The following RAB11FIP4 variants were observed in gnomAD, a reference collection of about 807,000 sequenced individuals.
RAB11FIP4 encodes RAB11 family interacting protein 4.
RAB11FIP4 carries 23 observed loss-of-function variants against 74.3 expected under a neutral mutation model. The ratio of observed to expected loss-of-function variants is 0.31; its 90% CI spans 0.22 to 0.44. The LOEUF (loss-of-function observed/expected upper bound fraction) is 0.44. RAB11FIP4 is among the 20% of genes least tolerant of loss of function. The pLI is 1.00. For missense variants in RAB11FIP4, 630 were observed against 863.9 expected, an observed-to-expected ratio of 0.73 and a Z score of 3.39; for synonymous variants, 360 against 359.9, an observed-to-expected ratio of 1.00 and a Z score of 0.00.
intron 1 of RAB11FIP4, among the ~76,000 whole-genome samples, chr17:31,401,197 G>A (rs935329418): frequency 1.3e-5 from 2 of 152,114 alleles, no homozygotes; most frequent in East Asian, 3.9e-4. Context: ...GCATGAACCC[G>A]GGAGGTGGAG....
At chr17:31,457,989 G>A (rs2071595542) in intron 3 of RAB11FIP4, among the ~76,000 whole-genome samples, 1 of 152,168 alleles carries the variant, frequency 6.6e-6, no homozygotes, top group Non-Finnish European at 1.5e-5. Context: ...GGCCTTGAGG[G>A]AAGGGACAGA....
At chr17:31,461,249 C>T (rs2071631830) in intron 3 of RAB11FIP4, among the ~76,000 whole-genome samples, 1 of 152,162 alleles carries the variant, frequency 6.6e-6, no homozygotes, top group Non-Finnish European at 1.5e-5. Flanking sequence ...ACGCACAAGC[C>T]TGGGCCTGGC....
At chr17:31,452,683 C>CCCCTCCT (rs1400499788) in intron 3 of RAB11FIP4, among the ~76,000 whole-genome samples, 1 of 152,150 alleles carries the variant, frequency 6.6e-6, no homozygotes, top group Admixed American at 6.5e-5. Context: ...GCCTCCTCTG[C>CCCCTCCT]CCCTCCTCCC....
chr17:31,527,965 C>G (rs760709336), intron 11 of RAB11FIP4, 42 bp downstream of exon 11: 12 of 1,471,854 alleles, frequency 8.2e-6, no homozygotes, highest in Non-Finnish European at 1.1e-5. Flanking sequence ...GGCTGGCCAT[C>G]GGGAGCCTTT....
chr17:31,481,362 C>T (rs760774669), intron 3 of RAB11FIP4, among the ~76,000 whole-genome samples: 4 of 151,930 alleles, frequency 2.6e-5, no homozygotes, highest in African/African-American at 7.3e-5. Flanking sequence ...TCCTGATGTG[C>T]GGTGCAGTTT....
Position 31,532,140 on chromosome 17 carries a change from T to A in RAB11FIP4, c.*408T>A, listed in dbSNP as rs2072882842. On this transcript the variant is annotated 3_prime_UTR_variant, in exon 15 of 15. Transcript: ENST00000621161. ...ATGGGCTCTTTCACCCCACTCCTAG[T>A]CCCCTTGGGAGTGGGAGCAAAATTG... 2 of 166,702 alleles carry A rather than the reference T, an allele frequency of 1.2e-5. No individual in the cohort carries two copies. The highest frequency in any genetic ancestry group is 3.2e-4 in the South Asian group (2 of 6,288). 10.3% of individuals were successfully genotyped at this position (166,702 alleles called of 1,614,324 possible). A position where few individuals can be genotyped will look rare whatever the true frequency, so the allele number is the denominator to read the frequency against.
In RAB11FIP4 at chr17:31,424,576, A is replaced by ATTTT. The variant is rs71142050; in HGVS notation, c.160-7223_160-7220dup. Among the ~76,000 whole-genome samples the ATTTT allele has an allele frequency of 6.3e-4, 79 of 124,572 alleles. 1 individual carries two copies. The highest frequency in any genetic ancestry group is 1.6e-3 in the Admixed American group (19 of 11,732). The allele number at this position is 124,572 out of a possible 152,430, so 81.7% of individuals were successfully genotyped here. A position where few individuals can be genotyped will look rare whatever the true frequency, so the allele number is the denominator to read the frequency against. ...AGGCGCGCACCACCACACCCAGCTA[A>ATTTT]TTTTTTTTTTTTTTTTTGAGGCGGA... On this transcript the variant is annotated intron_variant, in intron 1 of 14. Transcript: ENST00000621161.
chr17:31,522,624 G>GGT, intron 7 of RAB11FIP4: 1 of 544,210 alleles, frequency 1.8e-6, no homozygotes. Flanking sequence ...TCAAATCCTA[G>GGT]GTCACCTTGA....
At chr17:31,520,747 C>T (rs1597978934) in intron 4 of RAB11FIP4, among the ~76,000 whole-genome samples, 1 of 152,208 alleles carries the variant, frequency 6.6e-6, no homozygotes, top group East Asian at 1.9e-4. Context: ...GACCTCTGAT[C>T]CGCCCGCCTC....
chr17:31,407,040 ATTTTTTTTTTTTTTTT>A (rs59919036), intron 1 of RAB11FIP4, among the ~76,000 whole-genome samples: 1 of 51,208 alleles, frequency 2.0e-5, no homozygotes, highest in Non-Finnish European at 3.5e-5. Flanking sequence ...GTTTCACTTG[ATTTTTTTTTTTTTTTT>A]TTTTTTTTTT....
Position 31,391,943 on chromosome 17 carries a change from G to A in RAB11FIP4, c.91G>A (p.Asp31Asn), listed in dbSNP as rs2070875323. ...CGAGGTGTTCGAGGTGTGCGGCCGC[G>A]ACCCCGACGGCTTCCTGCGCGTGGA... ...LREVFEVCGR[D>N]PDGFLRVERV... The change falls in exon 1 of 15, where the codon GAC becomes AAC. Residue 31 changes from aspartate (D) to asparagine (N), a missense_variant. Asp to Asn is a conservative substitution (Grantham distance 23). Coordinates refer to ENST00000621161, the MANE Select transcript of RAB11FIP4 (RefSeq NM_032932.6). 5 of 1,382,546 alleles carry A rather than the reference G, an allele frequency of 3.6e-6. No individual in the cohort carries two copies. Among genetic ancestry groups the A allele is most frequent in the Non-Finnish European group, 4.7e-6 (5 of 1,064,364 alleles). The allele number at this position is 1,382,546 out of a possible 1,614,324, so 85.6% of individuals were successfully genotyped here.
In RAB11FIP4 at chr17:31,450,503, C is replaced by T. The variant is rs1435680752; in HGVS notation, c.336+16381C>T. 2.6e-5 allele frequency among the ~76,000 whole-genome samples: 4 copies of T among 151,966 alleles called. No homozygotes were observed. In the East Asian group the frequency reaches 5.8e-4, roughly 22 times the overall value. Reference sequence around the variant, plus strand: ...GGGATTATAGGACGGCGCCATCACACCCGGCTAATTTGCATATTTTTGGTA... The same window carrying T: ...GGGATTATAGGACGGCGCCATCACATCCGGCTAATTTGCATATTTTTGGTA... On this transcript the variant is annotated intron_variant, in intron 3 of 14. Transcript: ENST00000621161.
At chr17:31,462,861 C>A (rs1369074845) in intron 3 of RAB11FIP4, among the ~76,000 whole-genome samples, 1 of 152,168 alleles carries the variant, frequency 6.6e-6, no homozygotes, top group Admixed American at 6.5e-5. Context: ...GTCTCGAACT[C>A]CTGACCTCAA....
At chr17:31,399,108 C>G (rs2070960094) in intron 1 of RAB11FIP4, among the ~76,000 whole-genome samples, 1 of 151,990 alleles carries the variant, frequency 6.6e-6, no homozygotes. Context: ...AGGGCTCCTT[C>G]CCTTCCTGTT....
At chr17:31,399,027 C>T (rs998087885) in intron 1 of RAB11FIP4, among the ~76,000 whole-genome samples, 77 of 152,258 alleles carry the variant, frequency 5.1e-4, no homozygotes, top group African/African-American at 1.8e-3. Context: ...AACCTTCGGC[C>T]GGCAGGAATA....
chr17:31,509,450 G>A (rs1301570830), intron 3 of RAB11FIP4: 1 of 152,254 alleles, frequency 6.6e-6, no homozygotes, highest in Non-Finnish European at 1.5e-5. Context: ...GCTGAGGGGT[G>A]GTCTTGAGCT....
chr17:31,505,633 A>AATACATACTTATTATAATAT (rs2072329068), intron 3 of RAB11FIP4, among the ~76,000 whole-genome samples: 1 of 70,806 alleles, frequency 1.4e-5, no homozygotes, highest in African/African-American at 4.7e-5. Flanking sequence ...ATAATTATAT[A>AATACATACTTATTATAATAT]ATAATAATTA....
chr17:31,510,155 T>C (rs144029316), intron 3 of RAB11FIP4, among the ~76,000 whole-genome samples: 1 of 152,180 alleles, frequency 6.6e-6, no homozygotes, highest in African/African-American at 2.4e-5. Flanking sequence ...CCCTTCCCTG[T>C]GGACCTGGGG....
At chr17:31,486,598 T>C (rs2071905047) in intron 3 of RAB11FIP4, among the ~76,000 whole-genome samples, 1 of 152,194 alleles carries the variant, frequency 6.6e-6, no homozygotes, top group Admixed American at 6.5e-5. Context: ...TTCTATATGA[T>C]ACACCACAGT....
Sources: allele counts gnomAD v4.1 joint callset (sites outside exome capture counted in the v4.1 genomes callset), GRCh38; gene constraint gnomAD v4.1.1; transcripts MANE v1.5; gene names NCBI Gene and HGNC (gene_info 2026-07-23, HGNC 2026-07-21).